The following NUBP1 variants were observed in gnomAD, a reference collection of about 807,000 sequenced individuals.
NUBP1 encodes the protein NUBP iron-sulfur cluster assembly factor 1, cytosolic.
NUBP1 carries 46 observed loss-of-function variants against 41.8 expected under a neutral mutation model. That is an observed-to-expected ratio of 1.10 (90% CI 0.87 to 1.41). The LOEUF is 1.41. Ranked by LOEUF, NUBP1 falls within the 40% of genes most tolerant of loss-of-function variation. NUBP1 has a pLI of 0.00. For missense variants in NUBP1, 494 were observed against 414.0 expected (o/e 1.19, Z -1.68); for synonymous variants, 189 against 154.6 (o/e 1.22, Z -1.65).
Position 10,749,575 on chromosome 16 carries a change from A to G in NUBP1, c.258+2299A>G, listed in dbSNP as rs1900225096. Among the ~76,000 whole-genome samples, 3 of 152,188 alleles carry G rather than the reference A, an allele frequency of 2.0e-5. No individual in the cohort carries two copies. Among genetic ancestry groups the G allele is most frequent in the African/African-American group, 7.2e-5 (3 of 41,432 alleles). On this transcript the variant is annotated intron_variant, in intron 3 of 10. Transcript: ENST00000283027. This position sits in a 1 kb window ranked among gnomAD's most constrained non-coding sequence, Gnocchi z 4.1. Reference sequence around the variant, plus strand: ...GCATTTAGGAAAGTGTGTTTTCCCCAGGCAGACCTACTCATGACAGTGACA... The same window carrying G: ...GCATTTAGGAAAGTGTGTTTTCCCCGGGCAGACCTACTCATGACAGTGACA...
At position 10,756,710 on chromosome 16, in the gene NUBP1, G is replaced by T. The variant is rs1312709895; in HGVS notation, c.381G>T (p.Gly127=). 2 of 1,574,018 alleles carry T rather than the reference G, an allele frequency of 1.3e-6. No homozygotes were observed. Among genetic ancestry groups the T allele is most frequent in the African/African-American group, 1.4e-5 (1 of 72,000 alleles). The change falls in exon 6 of 11, where the codon GGG becomes GGT. Residue 127 remains glycine (G), a synonymous_variant. Transcript: ENST00000283027. The part of the protein sequence containing the change: ...WSPVYVEDNL[G]VMSVGFLLSS... The stretch of plus-strand genomic sequence containing the variant: ...TGCAGTACGTGGAAGACAACCTGGG[G>T]GTGATGTCAGTGGGCTTCCTGCTCA...
Position 10,761,397 on chromosome 16 carries a change from A to C in NUBP1, c.640A>C (p.Asn214His). The C allele has an allele frequency of 6.2e-7, 1 of 1,614,134 alleles. No homozygotes were observed. The highest frequency in any genetic ancestry group is 8.5e-7 in the Non-Finnish European group (1 of 1,179,990). ...VSLQDVRKEINFCRKVKLPII... is the reference protein window; with the variant it reads ...VSLQDVRKEIHFCRKVKLPII... Reference sequence around the variant, plus strand: ...ACTCCAGGATGTCCGGAAAGAAATCAACTTCTGCCGCAAGGTGAAGCTGCC... The same window carrying C: ...ACTCCAGGATGTCCGGAAAGAAATCCACTTCTGCCGCAAGGTGAAGCTGCC... Residue 214 changes from asparagine (N) to histidine (H), a missense_variant, in exon 8 of 11, where the codon AAC (asparagine) becomes CAC (histidine). Asn to His is a moderately conservative substitution (Grantham distance 68). Transcript: ENST00000283027.
chr16:10,756,616 G>C, intron 5 of NUBP1, 74 bp from the exon 6 acceptor site: 1 of 1,132,218 alleles, frequency 8.8e-7, no homozygotes, highest in Non-Finnish European at 1.2e-6. Context: ...AGCTCAAACA[G>C]AAGACCTGGG....
chr16:10,753,151 C>T (rs549128939), intron 4 of NUBP1, among the ~76,000 whole-genome samples: 1 of 152,064 alleles, frequency 6.6e-6, no homozygotes, highest in Non-Finnish European at 1.5e-5. Flanking sequence ...CATCTGTCTA[C>T]TTTTAACAAC....
intron 9 of NUBP1, chr16:10,763,848 G>C (rs1423596667): frequency 6.1e-6 from 1 of 163,870 alleles, no homozygotes; most frequent in Non-Finnish European, 1.3e-5. Context: ...GAGCATCACG[G>C]CCCATAGGAG....
chr16:10,768,018 G>A lies in NUBP1; in HGVS notation c.890G>A (p.Arg297Lys). Residue 297 changes from arginine (R) to lysine (K), a missense_variant, in exon 10 of 11, where the codon AGA becomes AAA. Arg to Lys is a conservative substitution (Grantham distance 26). Coordinates refer to ENST00000283027, the MANE Select transcript of NUBP1 (RefSeq NM_002484.4). This position sits in a 1 kb window ranked among gnomAD's most constrained non-coding sequence, Gnocchi z 4.3. ...APDSPATLAY[R>K]SIIQRIQEFC... is the part of the protein sequence containing the mutation. ...GATTCCCCAGCCACGTTAGCCTACA[G>A]AAGTATAATTCAGAGTAAGTATTTC... The A allele has an allele frequency of 6.2e-7, 1 of 1,614,060 alleles. No individual in the cohort carries two copies. The highest frequency in any genetic ancestry group is 1.6e-4 in the Middle Eastern group (1 of 6,062).
At position 10,769,108 on chromosome 16, in the gene NUBP1, C is replaced by G. The variant is rs2233543; in HGVS notation, c.*3C>G. ...AAGAGAACCTCATCAGTTCCTGAAACGAGAGAATGTTCAGGACCAAGCAGT... is the reference window on the plus strand; with the variant it reads ...AAGAGAACCTCATCAGTTCCTGAAAGGAGAGAATGTTCAGGACCAAGCAGT... On this transcript the variant is annotated 3_prime_UTR_variant, in exon 11 of 11. Coordinates refer to ENST00000283027, the MANE Select transcript of NUBP1 (RefSeq NM_002484.4). 1 of 1,613,458 alleles carries G rather than the reference C, an allele frequency of 6.2e-7. No homozygotes were observed. The highest frequency in any genetic ancestry group is 8.5e-7 in the Non-Finnish European group (1 of 1,179,472).
chr16:10,757,659 G>C lies in NUBP1; in HGVS notation c.452-214G>C, dbSNP rs1900648152. On this transcript the variant is annotated intron_variant, in intron 6 of 10. Coordinates refer to ENST00000283027, the MANE Select transcript of NUBP1 (RefSeq NM_002484.4). This position sits in a 1 kb window ranked among gnomAD's most constrained non-coding sequence, Gnocchi z 4.1. Reference sequence around the variant, plus strand: ...ACAGCATAGACCAAAGGCACAAAAAGATCAGATCATGCTTCTCCGTGAGCT... The same window carrying C: ...ACAGCATAGACCAAAGGCACAAAAACATCAGATCATGCTTCTCCGTGAGCT... Among the ~76,000 whole-genome samples the C allele has an allele frequency of 6.6e-6, 1 of 152,154 alleles. No individual in the cohort carries two copies. The highest frequency in any genetic ancestry group is 2.1e-4 in the South Asian group (1 of 4,830).
In NUBP1 at chr16:10,769,174, C is replaced by T. The variant is rs774868931; in HGVS notation, c.*69C>T. 6.9e-7 allele frequency: 1 copy of T among 1,450,900 alleles called. No homozygotes were observed. 89.9% of individuals were successfully genotyped at this position (1,450,900 alleles called of 1,614,324 possible). A position where few individuals can be genotyped will look rare whatever the true frequency, so the allele number is the denominator to read the frequency against. ...TCACTGGGCAGCACATCCAGCCAGACCCGACCAGCTCCGGGATGGGGTGGG... is the reference window on the plus strand; with the variant it reads ...TCACTGGGCAGCACATCCAGCCAGATCCGACCAGCTCCGGGATGGGGTGGG... On this transcript the variant is annotated 3_prime_UTR_variant, in exon 11 of 11. Transcript: ENST00000283027.
At chr16:10,750,181 G>A (rs894666170) in intron 3 of NUBP1, among the ~76,000 whole-genome samples, 1 of 152,198 alleles carries the variant, frequency 6.6e-6, no homozygotes, top group African/African-American at 2.4e-5. Context: ...CTGGGCAACA[G>A]AGTGAGACTC....
chr16:10,749,637 G>T lies in NUBP1; in HGVS notation c.258+2361G>T, dbSNP rs141593559. Among the ~76,000 whole-genome samples, 1 of 152,194 alleles carries T rather than the reference G, an allele frequency of 6.6e-6. No individual in the cohort carries two copies. On this transcript the variant is annotated intron_variant, in intron 3 of 10. Coordinates refer to ENST00000283027, the MANE Select transcript of NUBP1 (RefSeq NM_002484.4). The surrounding 1 kb of genome is among the most constrained non-coding windows in gnomAD (Gnocchi z 4.1). ...AAAGTGTCAACACATGGAAAATGCT[G>T]AATATGTCTTGATTAAAGTCAAGCA...
In NUBP1 at chr16:10,769,038, G is replaced by C; in HGVS notation, c.905-9G>C. On this transcript the variant is annotated splice_polypyrimidine_tract_variant and intron_variant, in intron 10 of 10. Coordinates refer to ENST00000283027, the MANE Select transcript of NUBP1 (RefSeq NM_002484.4). ...ATTAGCACTCTATGCCTGTCGTCTT[G>C]TTTTCCAGGAATCCAAGAGTTTTGT... is the stretch of plus-strand genomic sequence containing the variant. The C allele has an allele frequency of 3.1e-6, 5 of 1,614,000 alleles. No individual in the cohort carries two copies. The highest frequency in any genetic ancestry group is 2.5e-6 in the Non-Finnish European group (3 of 1,179,908).
At chr16:10,752,194 G>C (rs1190275360) in intron 3 of NUBP1, among the ~76,000 whole-genome samples, 2 of 152,216 alleles carry the variant, frequency 1.3e-5, no homozygotes. Flanking sequence ...GCTTGGTGAG[G>C]GGTGAGCAAA....
intron 3 of NUBP1, among the ~76,000 whole-genome samples, chr16:10,747,841 C>T (rs527682096): frequency 6.6e-6 from 1 of 152,306 alleles, no homozygotes; most frequent in Non-Finnish European, 1.5e-5. Context: ...TTATTAACCC[C>T]TTTTAGCTTT....
chr16:10,752,687 C>T lies in NUBP1; in HGVS notation c.327+9C>T, dbSNP rs201009308. On this transcript the variant is annotated intron_variant, in intron 4 of 10. Transcript: ENST00000283027. ...GATTGGAAGGAGAGCAGGTAATAGC[C>T]GGTTACAGAACTCAGGAAATTATTC... 156 of 1,611,918 alleles carry T rather than the reference C, an allele frequency of 9.7e-5. No individual in the cohort carries two copies. Among genetic ancestry groups the T allele is most frequent in the South Asian group, 4.4e-5 (4 of 91,026 alleles).
rs963224726 is a variant in NUBP1 at position 10,767,270 on chromosome 16, T to A, written c.821-679T>A. The A allele has an allele frequency of 1.3e-5, 5 of 398,972 alleles. No individual in the cohort carries two copies. Among genetic ancestry groups the A allele is most frequent in the Non-Finnish European group, 1.3e-5 (3 of 226,452 alleles). 24.7% of individuals were successfully genotyped at this position (398,972 alleles called of 1,614,324 possible). On this transcript the variant is annotated intron_variant, in intron 9 of 10. Coordinates refer to ENST00000283027, the MANE Select transcript of NUBP1 (RefSeq NM_002484.4). The surrounding 1 kb of genome is among the most constrained non-coding windows in gnomAD (Gnocchi z 4.6). ...CCTAGCCCCTTGTGTCCTGTCCACCTGGCTCTGGGATAACATGGTCCTAGA... is the reference window on the plus strand; with the variant it reads ...CCTAGCCCCTTGTGTCCTGTCCACCAGGCTCTGGGATAACATGGTCCTAGA...
At position 10,744,035 on chromosome 16, in the gene NUBP1, G is replaced by C. The variant is rs752879211; in HGVS notation, c.94G>C (p.Ala32Pro). ...CQGCPNQRLC[A>P]SGAGATPDTA... ...GGGATGCCCCAACCAGCGGCTGTGC[G>C]CTTCTGGAGCGGGGGCCACTCCGGA... is the stretch of plus-strand genomic sequence containing the variant. The change falls in exon 2 of 11, where the codon GCT becomes CCT. Residue 32 changes from alanine to proline, a missense_variant. Coordinates refer to ENST00000283027, the MANE Select transcript of NUBP1 (RefSeq NM_002484.4). 82 of 1,580,792 alleles carry C rather than the reference G, an allele frequency of 5.2e-5. No individual in the cohort carries two copies. Among genetic ancestry groups the C allele is most frequent in the South Asian group, 2.2e-4 (19 of 85,956 alleles).
At chr16:10,762,842 G>T (rs2030193812) in intron 9 of NUBP1, among the ~76,000 whole-genome samples, 1 of 152,124 alleles carries the variant, frequency 6.6e-6, no homozygotes, top group African/African-American at 2.4e-5. Context: ...CCCGTGGAGA[G>T]CCTGGAGGCG....
At chr16:10,763,000 G>C (rs2030238116) in intron 9 of NUBP1, among the ~76,000 whole-genome samples, 1 of 152,132 alleles carries the variant, frequency 6.6e-6, no homozygotes, top group African/African-American at 2.4e-5. Context: ...ATGAGGCCCT[G>C]GGTTCTGGCG....
Sources: gnomAD v4.1 joint callset for allele counts (sites outside exome capture counted in the v4.1 genomes callset) on GRCh38, gnomAD v4.1.1 for gene constraint, Gnocchi (gnomAD v3.1) non-coding constraint, MANE v1.5 for transcripts, NCBI Gene and HGNC (gene_info 2026-07-23, HGNC 2026-07-21) for gene names.